The following DEPDC1B variants were observed in gnomAD, a reference collection of about 807,000 sequenced individuals.
The protein encoded by DEPDC1B is DEP domain containing 1B, also known as DEP domain-containing protein 1B.
A neutral mutation model predicts 66.5 loss-of-function variants in DEPDC1B; 51 were observed. That is an observed-to-expected ratio of 0.77 (90% CI 0.61 to 0.97). The LOEUF is 0.97. DEPDC1B is among the 50% of genes least tolerant of loss of function. The pLI, the probability that DEPDC1B is intolerant of heterozygous loss-of-function variation, is 0.00. For synonymous variants in DEPDC1B, 226 were observed against 223.6 expected, an observed-to-expected ratio of 1.01 and a Z score of -0.10; for missense variants, 552 against 637.1, an observed-to-expected ratio of 0.87 and a Z score of 1.44.
rs753001386 is a variant in DEPDC1B at position 60,700,065 on chromosome 5, G to C, written c.29C>G (p.Pro10Arg). The part of the protein sequence containing the change: MEHRIVGPG[P>R]YRATRLWNET... ...ACTCACCAGCCTGGTAGCTCGGTAC[G>C]GCCCGGGCCCCACGATGCGATGCTC... The change falls in exon 1 of 11, where the codon CCG becomes CGG. Residue 10 changes from proline to arginine, a missense_variant. Transcript: ENST00000265036. 4.5e-6 allele frequency: 7 copies of C among 1,557,942 alleles called. No homozygotes were observed. In the South Asian group the frequency reaches 7.1e-5, roughly 16 times the overall value.
At chr5:60,615,506 G>T (rs1368957487) in intron 7 of DEPDC1B, among the ~76,000 whole-genome samples, 1 of 152,222 alleles carries the variant, frequency 6.6e-6, no homozygotes, top group Non-Finnish European at 1.5e-5. Context: ...TATATCCCGT[G>T]CCTGGCTCGG....
intron 7 of DEPDC1B, among the ~76,000 whole-genome samples, chr5:60,620,897 C>T (rs1157797291): frequency 2.0e-5 from 3 of 152,212 alleles, no homozygotes; most frequent in East Asian, 1.9e-4. Flanking sequence ...ACCCAAATGT[C>T]CATCAGTGAT....
At chr5:60,663,068 G>A (rs1341100617) in intron 2 of DEPDC1B, among the ~76,000 whole-genome samples, 2 of 152,142 alleles carry the variant, frequency 1.3e-5, no homozygotes, top group South Asian at 2.1e-4. Context: ...TCCTTTGTTA[G>A]GGAAATACAT....
intron 10 of DEPDC1B, 92 bp downstream of exon 10, chr5:60,598,983 G>A: frequency 3.6e-6 from 4 of 1,114,988 alleles, no homozygotes; most frequent in Non-Finnish European, 3.7e-6. Context: ...TGGCTCAGAA[G>A]ATGAGATTTA....
At chr5:60,598,053 C>T in intron 10 of DEPDC1B, 139 bp from the exon 11 acceptor site, 1 of 689,378 alleles carries the variant, frequency 1.5e-6, no homozygotes, top group Non-Finnish European at 2.2e-6. Flanking sequence ...ATTCCAATTT[C>T]TATAGAGCTA....
At chr5:60,606,067 A>G (rs1584021887) in intron 7 of DEPDC1B, among the ~76,000 whole-genome samples, 1 of 152,150 alleles carries the variant, frequency 6.6e-6, no homozygotes, top group Admixed American at 6.5e-5. Flanking sequence ...AATATATAGA[A>G]CCAAATACAG....
intron 2 of DEPDC1B, among the ~76,000 whole-genome samples, chr5:60,674,785 T>A (rs1584092356): frequency 6.6e-6 from 1 of 152,280 alleles, no homozygotes; most frequent in East Asian, 1.9e-4. Flanking sequence ...TCTGGCTGAT[T>A]TAACCATAAA....
chr5:60,664,045 G>A (rs920509847), intron 2 of DEPDC1B, among the ~76,000 whole-genome samples: 4 of 152,176 alleles, frequency 2.6e-5, no homozygotes, highest in African/African-American at 4.8e-5. Flanking sequence ...ACTAATTAAG[G>A]AAACTCAGAA....
rs771631290 is a variant in DEPDC1B at position 60,638,874 on chromosome 5, A to G, written c.774T>C (p.Asp258=). The G allele has an allele frequency of 2.5e-6, 4 of 1,611,468 alleles. No individual in the cohort carries two copies. The South Asian group carries it at 3.3e-5, about 13-fold the overall frequency. ...KCLANWPNCS[D]LKQPMYLGFE... ...ATCCCAAGTACATAGGCTGCTTCAA[A>G]TCAGAACAGTTGGGCCCTATTTTCA... The change falls in exon 7 of 11, where the codon GAT becomes GAC. Residue 258 remains aspartate (D), a synonymous_variant. Transcript: ENST00000265036.
chr5:60,658,214 A>G (rs1216672673), intron 2 of DEPDC1B, among the ~76,000 whole-genome samples: 1 of 152,156 alleles, frequency 6.6e-6, no homozygotes, highest in East Asian at 1.9e-4. Context: ...CATTTTTTAA[A>G]TTTCTTTAAG....
At chr5:60,604,676 T>G (rs552990267) in intron 8 of DEPDC1B, among the ~76,000 whole-genome samples, 4 of 152,298 alleles carry the variant, frequency 2.6e-5, no homozygotes, top group Admixed American at 1.3e-4. Context: ...CTGCAAATGA[T>G]CTTCACTTAC....
chr5:60,613,030 G>A (rs958541823), intron 7 of DEPDC1B, among the ~76,000 whole-genome samples: 1 of 152,170 alleles, frequency 6.6e-6, no homozygotes, highest in African/African-American at 2.4e-5. Flanking sequence ...CTTTTTTGTA[G>A]TCTTCATTAT....
chr5:60,665,760 A>G (rs1204993656), intron 2 of DEPDC1B, among the ~76,000 whole-genome samples: 1 of 152,214 alleles, frequency 6.6e-6, no homozygotes, highest in Non-Finnish European at 1.5e-5. Flanking sequence ...CCTAGCTGGG[A>G]AAGGTGACTG....
Position 60,638,831 on chromosome 5 carries a change from T to G in DEPDC1B, c.817A>C (p.Lys273Gln). The G allele has an allele frequency of 6.2e-7, 1 of 1,613,392 alleles. No homozygotes were observed. ...TGACCATAGTAATCAGCTATGGTTT[T>G]AAAGACATCTTTTTCAAATCCCAAG... ...MYLGFEKDVF[K>Q]TIADYYGHLK... Residue 273 changes from lysine to glutamine, a missense_variant, in exon 7 of 11, where the codon AAA (lysine) becomes CAA (glutamine). Transcript: ENST00000265036.
intron 7 of DEPDC1B, among the ~76,000 whole-genome samples, chr5:60,616,029 CAG>C (rs1290875188): frequency 1.3e-5 from 2 of 152,210 alleles, no homozygotes; most frequent in Non-Finnish European, 2.9e-5. Context: ...CCCAGGCAAA[CAG>C]GGTCTGGAGT....
In DEPDC1B at chr5:60,667,934, T is replaced by C. The variant is rs548929847; in HGVS notation, c.314+19028A>G. On this transcript the variant is annotated intron_variant, in intron 2 of 10. Transcript: ENST00000265036. Reference sequence around the variant, plus strand: ...ATATAAAAAATGGATATTTTATATATATATAAAATGGATATTTTATATATA... The same window carrying C: ...ATATAAAAAATGGATATTTTATATACATATAAAATGGATATTTTATATATA... 1.8e-3 allele frequency among the ~76,000 whole-genome samples: 165 copies of C among 89,230 alleles called. 57 individuals are homozygous for C. The East Asian group carries it at 0.076, about 41-fold the overall frequency. The allele number at this position is 89,230 out of a possible 152,430, so 58.5% of individuals were successfully genotyped here.
chr5:60,669,010 T>C (rs1220674731), intron 2 of DEPDC1B, among the ~76,000 whole-genome samples: 1 of 152,180 alleles, frequency 6.6e-6, no homozygotes, highest in Admixed American at 6.5e-5. Flanking sequence ...ATTTGTACAC[T>C]GAAGAAATTA....
At chr5:60,671,855 G>C (rs1754047491) in intron 2 of DEPDC1B, among the ~76,000 whole-genome samples, 1 of 152,136 alleles carries the variant, frequency 6.6e-6, no homozygotes, top group African/African-American at 2.4e-5. Flanking sequence ...CCACATATCA[G>C]ACACCAATAG....
In DEPDC1B at chr5:60,700,120, C is replaced by G. The variant is rs1421698349; in HGVS notation, c.-27G>C. On this transcript the variant is annotated 5_prime_UTR_variant, in exon 1 of 11. Coordinates refer to ENST00000265036, the MANE Select transcript of DEPDC1B (RefSeq NM_018369.3). ...GCGCGTAGGCAGCAGCGGCCGCAGCCGCGCCAGCGCTGATCCCCGCCAGCC... is the reference window on the plus strand; with the variant it reads ...GCGCGTAGGCAGCAGCGGCCGCAGCGGCGCCAGCGCTGATCCCCGCCAGCC... 2 of 1,538,614 alleles carry G rather than the reference C, an allele frequency of 1.3e-6. No individual in the cohort carries two copies. Among genetic ancestry groups the G allele is most frequent in the Admixed American group, 2.0e-5 (1 of 50,724 alleles).
Sources: gnomAD v4.1 joint callset for allele counts (sites outside exome capture counted in the v4.1 genomes callset) on GRCh38, gnomAD v4.1.1 for gene constraint, MANE v1.5 for transcripts, NCBI Gene and HGNC (gene_info 2026-07-23, HGNC 2026-07-21) for gene names.